RAB11FIP4: variants seen among roughly 807,000 people sequenced by gnomAD.
The protein encoded by RAB11FIP4 is rab11 family-interacting protein 4.
A neutral mutation model predicts 74.3 loss-of-function variants in RAB11FIP4; 23 were observed. The observed-to-expected ratio is 0.31, with a 90% CI of 0.22 to 0.44. RAB11FIP4 has a LOEUF of 0.44. Among genes scored for constraint, RAB11FIP4 ranks in the 20% least tolerant of loss-of-function variants. The pLI is 1.00. For synonymous variants in RAB11FIP4, 360 were observed against 359.9 expected (o/e 1.00, Z 0.00); for missense variants, 630 against 863.9 (o/e 0.73, Z 3.39).
chr17:31,449,775 A>G (rs2071507520), intron 3 of RAB11FIP4, among the ~76,000 whole-genome samples: 1 of 152,062 alleles, frequency 6.6e-6, no homozygotes, highest in Non-Finnish European at 1.5e-5. Context: ...GTGCAGTCCT[A>G]GTTTGCTGCA....
At chr17:31,506,768 T>A (rs1213033876) in intron 3 of RAB11FIP4, among the ~76,000 whole-genome samples, 1 of 152,230 alleles carries the variant, frequency 6.6e-6, no homozygotes, top group African/African-American at 2.4e-5. Context: ...CACCCCATTT[T>A]AAAAATGCAT....
chr17:31,522,742 C>T (rs1018097845), intron 7 of RAB11FIP4: 10 of 349,740 alleles, frequency 2.9e-5, no homozygotes, highest in Middle Eastern at 1.6e-3. Context: ...AAAGAGACCC[C>T]GGGTTTCCTG....
At chr17:31,469,088 G>T (rs2071713548) in intron 3 of RAB11FIP4, among the ~76,000 whole-genome samples, 1 of 152,094 alleles carries the variant, frequency 6.6e-6, no homozygotes, top group Non-Finnish European at 1.5e-5. Flanking sequence ...TTGCCCTCAG[G>T]GTTCCTGTGA....
At chr17:31,494,117 C>T (rs530449501) in intron 3 of RAB11FIP4, among the ~76,000 whole-genome samples, 1 of 152,266 alleles carries the variant, frequency 6.6e-6, no homozygotes, top group South Asian at 2.1e-4. Context: ...CTGGCCTTTA[C>T]TTAGTTGACA....
chr17:31,434,205 GGAGGACCCAGAACCTCCCTCT>G (rs1215951326), intron 3 of RAB11FIP4, 83 bp downstream of exon 3: 1 of 1,180,432 alleles, frequency 8.5e-7, no homozygotes, highest in East Asian at 2.5e-5. Context: ...TCAGTATCTG[GGAGGACCCAGAACCTCCCTCT>G]GAGGACCCTT....
chr17:31,425,606 A>G (rs962479795), intron 1 of RAB11FIP4, among the ~76,000 whole-genome samples: 2 of 152,230 alleles, frequency 1.3e-5, no homozygotes, highest in Admixed American at 6.5e-5. Context: ...GCTCAAAGAG[A>G]AAGGCAACAG....
chr17:31,429,144 T>C (rs1015930386), intron 1 of RAB11FIP4, among the ~76,000 whole-genome samples: 2 of 152,172 alleles, frequency 1.3e-5, no homozygotes, highest in East Asian at 3.8e-4. Flanking sequence ...GCCTCTACTA[T>C]GTACCAGTCA....
chr17:31,450,252 T>C (rs2071511587), intron 3 of RAB11FIP4, among the ~76,000 whole-genome samples: 1 of 151,884 alleles, frequency 6.6e-6, no homozygotes, highest in Admixed American at 6.6e-5. Flanking sequence ...AGATCGTCCT[T>C]TTAGCTCAAG....
chr17:31,517,191 C>CGGGGGGG, intron 3 of RAB11FIP4, among the ~76,000 whole-genome samples: 1 of 42,774 alleles, frequency 2.3e-5, no homozygotes, highest in African/African-American at 7.4e-5. Flanking sequence ...GGAGGCGGTG[C>CGGGGGGG]GGGGGGGGGG....
chr17:31,509,721 A>G (rs2072417604), intron 3 of RAB11FIP4, among the ~76,000 whole-genome samples: 1 of 152,162 alleles, frequency 6.6e-6, no homozygotes, highest in Non-Finnish European at 1.5e-5. Context: ...GTATGTGGTC[A>G]GTCCCCGGGG....
chr17:31,401,155 C>T (rs1314088309), intron 1 of RAB11FIP4, among the ~76,000 whole-genome samples: 1 of 152,044 alleles, frequency 6.6e-6, no homozygotes, highest in African/African-American at 2.4e-5. Flanking sequence ...GACTGTAGTC[C>T]CAGTTACTCG....
chr17:31,525,080 C>G lies in RAB11FIP4; in HGVS notation c.1134-10C>G. The G allele has an allele frequency of 6.5e-7, 1 of 1,550,276 alleles. No homozygotes were observed. Among genetic ancestry groups the G allele is most frequent in the Non-Finnish European group, 8.7e-7 (1 of 1,147,050 alleles). On this transcript the variant is annotated splice_polypyrimidine_tract_variant and intron_variant, in intron 9 of 14. Coordinates refer to ENST00000621161, the MANE Select transcript of RAB11FIP4 (RefSeq NM_032932.6). ...AGGCCCCAAGAGCTTGCCCATTGCG[C>G]TGTCCTCAGGGTGCATGAGCTGGAG... is the stretch of plus-strand genomic sequence containing the variant.
At chr17:31,429,490 G>C (rs965378200) in intron 1 of RAB11FIP4, among the ~76,000 whole-genome samples, 12 of 152,148 alleles carry the variant, frequency 7.9e-5, no homozygotes, top group Non-Finnish European at 1.5e-4. Context: ...CCCAGCCAAT[G>C]AGCTGCCTCT....
At chr17:31,445,574 A>ATTT (rs2071453151) in intron 3 of RAB11FIP4, among the ~76,000 whole-genome samples, 2 of 10,030 alleles carry the variant, frequency 2.0e-4, no homozygotes, top group Non-Finnish European at 1.6e-4. Flanking sequence ...ATATATATAT[A>ATTT]TATATTTTTT....
At chr17:31,493,544 G>A (rs1380911547) in intron 3 of RAB11FIP4, among the ~76,000 whole-genome samples, 36 of 152,166 alleles carry the variant, frequency 2.4e-4, no homozygotes, top group Non-Finnish European at 1.5e-4. Flanking sequence ...TAGAATAGGA[G>A]CGAGAATAGC....
In RAB11FIP4 at chr17:31,528,693, G is replaced by T; in HGVS notation, c.1568G>T (p.Gly523Val). ...YKLDCERPGRGRSASSGLGEF... is the reference protein window; with the variant it reads ...YKLDCERPGRVRSASSGLGEF... Reference sequence around the variant, plus strand: ...CTGGACTGCGAGCGGCCAGGCAGGGGCCGCAGTGCCTCCTCTGGCCTAGGC... The same window carrying T: ...CTGGACTGCGAGCGGCCAGGCAGGGTCCGCAGTGCCTCCTCTGGCCTAGGC... The change falls in exon 13 of 15, where the codon GGC (glycine) becomes GTC (valine). Residue 523 changes from glycine to valine, a missense_variant. Gly to Val is a moderately radical substitution (Grantham distance 109). Transcript: ENST00000621161. 1.9e-6 allele frequency: 3 copies of T among 1,612,488 alleles called. No individual in the cohort carries two copies. Among genetic ancestry groups the T allele is most frequent in the East Asian group, 2.2e-5 (1 of 44,860 alleles).
At chr17:31,521,455 G>A in intron 5 of RAB11FIP4, 95 bp downstream of exon 5, 2 of 1,125,874 alleles carry the variant, frequency 1.8e-6, no homozygotes, top group Non-Finnish European at 2.5e-6. Context: ...TCCTGAGCTG[G>A]CCCTTTTCCT....
At position 31,521,122 on chromosome 17, in the gene RAB11FIP4, G is replaced by A. The variant is rs140762862; in HGVS notation, c.564-44G>A. 1.8e-5 allele frequency: 26 copies of A among 1,424,336 alleles called. No homozygotes were observed. The African/African-American group carries it at 3.6e-4, about 20-fold the overall frequency. 88.2% of individuals were successfully genotyped at this position (1,424,336 alleles called of 1,614,324 possible). A position where few individuals can be genotyped will look rare whatever the true frequency, so the allele number is the denominator to read the frequency against. ...TTCCCCACCACGGGCTGTGGCTGGG[G>A]ACCCATGAGTCCTCCTCTGACTTGG... On this transcript the variant is annotated intron_variant, in intron 4 of 14. Coordinates refer to ENST00000621161, the MANE Select transcript of RAB11FIP4 (RefSeq NM_032932.6).
At chr17:31,517,965 A>G in intron 4 of RAB11FIP4, 88 bp downstream of exon 4, 1 of 1,046,008 alleles carries the variant, frequency 9.6e-7, no homozygotes, top group Middle Eastern at 2.1e-4. Flanking sequence ...GTAAATTTGA[A>G]ACATGCTCAA....
Sources: gnomAD v4.1 joint callset for allele counts (sites outside exome capture counted in the v4.1 genomes callset) on GRCh38, gnomAD v4.1.1 for gene constraint, MANE v1.5 for transcripts, NCBI Gene and HGNC (gene_info 2026-07-23, HGNC 2026-07-21) for gene names.